CSMD1: variants seen among roughly 807,000 people sequenced by gnomAD.
CSMD1 encodes the protein CUB and sushi domain-containing protein 1.
CSMD1 carries 213 observed loss-of-function variants against 417.5 expected under a neutral mutation model. The ratio of observed to expected loss-of-function variants is 0.51; its 90% CI spans 0.46 to 0.57. The LOEUF (loss-of-function observed/expected upper bound fraction) is 0.57. Ranked by LOEUF, CSMD1 falls within the 20% of genes least tolerant of loss-of-function variation. The pLI, the probability that CSMD1 is intolerant of heterozygous loss-of-function variation, is 0.00. For missense variants in CSMD1, 6,923 were observed against 4,529.7 expected (o/e 1.53, Z -15.17); for synonymous variants, 2,862 against 1,736.8 (o/e 1.65, Z -16.11).
At chr8:4,171,420 T>A (rs1181831614) in intron 3 of CSMD1, among the ~76,000 whole-genome samples, 1 of 151,920 alleles carries the variant, frequency 6.6e-6, no homozygotes, top group African/African-American at 2.4e-5. Context: ...ATTAATTACT[T>A]TGTAATACAA....
intron 11 of CSMD1, among the ~76,000 whole-genome samples, chr8:3,490,831 G>A (rs111754999): frequency 6.6e-6 from 1 of 151,966 alleles, no homozygotes; most frequent in African/African-American, 2.4e-5. Context: ...AGATATCTGG[G>A]CCCTCAGATG....
In CSMD1 at chr8:3,184,557, CCTT is replaced by C. The variant is rs530428612; in HGVS notation, c.5620+3309_5620+3311del. ...AACTGAGCTTCAGAATGGATATTTG[CCTT>C]CTTCTTACGCATTTGTTCTGCACAC... On this transcript the variant is annotated intron_variant, in intron 36 of 69. Transcript: ENST00000635120. Among the ~76,000 whole-genome samples, 166 of 152,296 alleles carry C rather than the reference CCTT, an allele frequency of 1.1e-3. 2 individuals carry two copies. The Middle Eastern group carries it at 0.014, about 12-fold the overall frequency.
chr8:3,902,983 T>C (rs895335206), intron 5 of CSMD1, among the ~76,000 whole-genome samples: 4 of 152,160 alleles, frequency 2.6e-5, no homozygotes, highest in African/African-American at 9.7e-5. Flanking sequence ...GAACATGCAT[T>C]GTTTTATTCT....
chr8:4,144,709 G>T (rs769713064), intron 3 of CSMD1, among the ~76,000 whole-genome samples: 1 of 151,054 alleles, frequency 6.6e-6, no homozygotes, highest in Admixed American at 6.6e-5. Flanking sequence ...GCAAAGAGTG[G>T]AGATTTCCTC....
chr8:3,409,951 A>T (rs6987781), intron 12 of CSMD1, among the ~76,000 whole-genome samples: 103,767 of 152,136 alleles, frequency 0.68, 35,897 homozygotes, highest in Middle Eastern at 0.81. Flanking sequence ...ATACCAGTTT[A>T]ATTTTCAACT....
At chr8:3,784,435 G>A (rs368464623) in intron 5 of CSMD1, among the ~76,000 whole-genome samples, 3 of 152,172 alleles carry the variant, frequency 2.0e-5, no homozygotes, top group Non-Finnish European at 2.9e-5. Flanking sequence ...TGGCCTTTCA[G>A]TTTCTTAAAG....
At chr8:4,988,795 C>T (rs925299650) in intron 1 of CSMD1, among the ~76,000 whole-genome samples, 5 of 152,208 alleles carry the variant, frequency 3.3e-5, no homozygotes, top group African/African-American at 1.2e-4. Context: ...AACTGTTTCA[C>T]ACTCTGCATC....
At chr8:3,284,094 T>A (rs144821836) in intron 26 of CSMD1, 50 bp downstream of exon 26, 30 of 1,373,928 alleles carry the variant, frequency 2.2e-5, no homozygotes, top group Non-Finnish European at 2.9e-5. Flanking sequence ...TCTGTGTTCA[T>A]GACAAGACTT....
At chr8:3,981,331 T>A (rs1049481899) in intron 5 of CSMD1, among the ~76,000 whole-genome samples, 3 of 151,924 alleles carry the variant, frequency 2.0e-5, no homozygotes, top group Admixed American at 2.0e-4. Flanking sequence ...CAGCGGATTT[T>A]GGGGACTTCA....
chr8:3,852,448 G>A (rs1331787662), intron 5 of CSMD1, among the ~76,000 whole-genome samples: 1 of 152,172 alleles, frequency 6.6e-6, no homozygotes, highest in East Asian at 1.9e-4. Flanking sequence ...CGGGAAGAGG[G>A]TAGGGCTGCA....
chr8:3,939,488 G>C (rs1183023001), intron 5 of CSMD1, among the ~76,000 whole-genome samples: 1 of 152,126 alleles, frequency 6.6e-6, no homozygotes, highest in Non-Finnish European at 1.5e-5. Flanking sequence ...ACTACCATGT[G>C]ATTCAGCAAT....
At chr8:4,098,855 C>G (rs536727988) in intron 3 of CSMD1, among the ~76,000 whole-genome samples, 10 of 152,314 alleles carry the variant, frequency 6.6e-5, no homozygotes, top group African/African-American at 2.4e-4. Context: ...ATCTTGCTCA[C>G]TCATTCATTT....
intron 18 of CSMD1, among the ~76,000 whole-genome samples, chr8:3,385,654 G>A (rs1304353623): frequency 6.6e-6 from 1 of 152,090 alleles, no homozygotes; most frequent in African/African-American, 2.4e-5. Context: ...TCACTTATAT[G>A]ACGGTTCTCT....
chr8:2,967,706 T>C (rs1409947604), intron 57 of CSMD1, among the ~76,000 whole-genome samples: 1 of 152,208 alleles, frequency 6.6e-6, no homozygotes, highest in Admixed American at 6.5e-5. Context: ...TATTTAAAAA[T>C]ACTTTTGCAC....
chr8:3,668,394 G>A (rs1798814531), intron 7 of CSMD1, among the ~76,000 whole-genome samples: 3 of 152,122 alleles, frequency 2.0e-5, no homozygotes, highest in Admixed American at 6.5e-5. Context: ...TTTTAAATAT[G>A]TATTTTTAAG....
chr8:4,062,018 A>C (rs945094977), intron 3 of CSMD1, among the ~76,000 whole-genome samples: 4 of 152,080 alleles, frequency 2.6e-5, no homozygotes, highest in African/African-American at 9.7e-5. Flanking sequence ...TGTAGTGGGG[A>C]GGAGAGCACG....
intron 5 of CSMD1, among the ~76,000 whole-genome samples, chr8:3,816,073 C>T (rs1463650642): frequency 6.6e-6 from 1 of 152,176 alleles, no homozygotes; most frequent in Non-Finnish European, 1.5e-5. Flanking sequence ...ACAATACTTG[C>T]CTTCCTGACA....
chr8:4,741,338 T>C (rs938186320), intron 1 of CSMD1, among the ~76,000 whole-genome samples: 2 of 152,242 alleles, frequency 1.3e-5, no homozygotes, highest in African/African-American at 2.4e-5. Context: ...TCTCAGACCA[T>C]ACTATGTCTA....
intron 3 of CSMD1, among the ~76,000 whole-genome samples, chr8:4,260,146 T>C (rs967500406): frequency 1.3e-5 from 2 of 152,184 alleles, no homozygotes; most frequent in Non-Finnish European, 2.9e-5. Flanking sequence ...TGATCTACAG[T>C]GGCTAAGTCC....
Sources: allele counts gnomAD v4.1 joint callset (sites outside exome capture counted in the v4.1 genomes callset), GRCh38; gene constraint gnomAD v4.1.1; transcripts MANE v1.5; gene names NCBI Gene and HGNC (gene_info 2026-07-23, HGNC 2026-07-21).